The following LRRC37A2 variants were observed in gnomAD, a reference collection of about 807,000 sequenced individuals.
LRRC37A2 encodes leucine rich repeat containing 37 member A2, also known as leucine-rich repeat-containing protein 37A2.
Under a neutral mutation model 68.8 loss-of-function variants are expected in LRRC37A2, and 9 were observed. That is an observed-to-expected ratio of 0.13 (90% CI 0.08 to 0.23). The LOEUF (loss-of-function observed/expected upper bound fraction) is 0.23, where lower values mean the gene tolerates loss of function less well. Among genes scored for constraint, LRRC37A2 ranks in the 10% least tolerant of loss-of-function variants. The pLI is 1.00. For missense variants in LRRC37A2, 168 were observed against 950.4 expected, an observed-to-expected ratio of 0.18 and a Z score of 10.82; for synonymous variants, 63 against 367.6, an observed-to-expected ratio of 0.17 and a Z score of 9.48.
the LRRC37A2 span, among the ~76,000 whole-genome samples, chr17:46,943,268 T>C: frequency 2.1e-4 from 32 of 152,154 alleles, no homozygotes; most frequent in African/African-American, 7.5e-4. Context: ...CTTGTGGCCA[T>C]TGGGTGCCCC....
the LRRC37A2 span, among the ~76,000 whole-genome samples, chr17:46,788,193 T>C: frequency 6.6e-6 from 1 of 152,238 alleles, no homozygotes; most frequent in Non-Finnish European, 1.5e-5. Flanking sequence ...CTTGGCCATC[T>C]GTTTCTTTGC....
the LRRC37A2 span, among the ~76,000 whole-genome samples, chr17:47,003,433 C>G: frequency 6.6e-6 from 1 of 152,204 alleles, no homozygotes; most frequent in Non-Finnish European, 1.5e-5. Context: ...AACAGGGGGG[C>G]AGGGCTGGGC....
the LRRC37A2 span, among the ~76,000 whole-genome samples, chr17:46,960,310 T>C: frequency 3.3e-5 from 5 of 152,182 alleles, no homozygotes; most frequent in Non-Finnish European, 7.3e-5. Flanking sequence ...CACTACACAC[T>C]TGGCATACAT....
the LRRC37A2 span, among the ~76,000 whole-genome samples, chr17:47,002,776 T>C: frequency 6.6e-6 from 1 of 152,310 alleles, no homozygotes; most frequent in East Asian, 1.9e-4. Context: ...ATTCATTCTT[T>C]TTTTTTTGTA....
chr17:46,840,879 T>C, the LRRC37A2 span, among the ~76,000 whole-genome samples: 1 of 152,246 alleles, frequency 6.6e-6, no homozygotes, highest in Non-Finnish European at 1.5e-5. Flanking sequence ...TTAAGTTCTT[T>C]GTAGATTCTG....
At chr17:46,914,638 G>A in the LRRC37A2 span, among the ~76,000 whole-genome samples, 1 of 115,102 alleles carries the variant, frequency 8.7e-6, no homozygotes, top group Non-Finnish European at 1.7e-5. Flanking sequence ...GGGGCAGAGC[G>A]AGACTCCACC....
the LRRC37A2 span, among the ~76,000 whole-genome samples, chr17:46,864,974 A>T: frequency 6.6e-6 from 1 of 152,180 alleles, no homozygotes; most frequent in African/African-American, 2.4e-5. Context: ...AATGGTGTAC[A>T]TTTGGACTCA....
At chr17:46,926,446 A>G in the LRRC37A2 span, among the ~76,000 whole-genome samples, 1 of 152,184 alleles carries the variant, frequency 6.6e-6, no homozygotes, top group South Asian at 2.1e-4. Context: ...GATCTTCTGT[A>G]AACCTTTTTT....
At chr17:46,833,490 G>A in the LRRC37A2 span, 3 of 471,158 alleles carry the variant, frequency 6.4e-6, no homozygotes, top group Non-Finnish European at 1.3e-5. Flanking sequence ...CTCCCCATCT[G>A]GTCACCTCAC....
chr17:46,964,026 T>C, the LRRC37A2 span: 1 of 152,236 alleles, frequency 6.6e-6, no homozygotes, highest in African/African-American at 2.4e-5. Flanking sequence ...TTGCCCAGGC[T>C]GATCTCAAAC....
the LRRC37A2 span, chr17:46,939,289 G>A: frequency 6.5e-5 from 66 of 1,022,980 alleles, no homozygotes; most frequent in African/African-American, 1.1e-3. Flanking sequence ...ACATGTAGAT[G>A]ACTGACTGCC....
chr17:46,976,773 C>G, the LRRC37A2 span, among the ~76,000 whole-genome samples: 1 of 151,602 alleles, frequency 6.6e-6, no homozygotes, highest in East Asian at 1.9e-4. Flanking sequence ...CTGCATTCCC[C>G]AAACCACTGA....
At chr17:46,950,408 G>T in the LRRC37A2 span, among the ~76,000 whole-genome samples, 2 of 152,204 alleles carry the variant, frequency 1.3e-5, no homozygotes, top group African/African-American at 4.8e-5. Flanking sequence ...TGGAGGGGGA[G>T]AAGATGAAGT....
At chr17:46,836,522 T>C in the LRRC37A2 span, among the ~76,000 whole-genome samples, 13 of 152,324 alleles carry the variant, frequency 8.5e-5, no homozygotes, top group Non-Finnish European at 1.3e-4. Flanking sequence ...ACATTGTAAA[T>C]GTCGATGATT....
At chr17:47,035,537 T>C in the LRRC37A2 span, among the ~76,000 whole-genome samples, 1 of 152,248 alleles carries the variant, frequency 6.6e-6, no homozygotes, top group African/African-American at 2.4e-5. Flanking sequence ...TATGGAGCCA[T>C]CACTATATCC....
At chr17:46,977,762 C>T in the LRRC37A2 span, among the ~76,000 whole-genome samples, 1 of 152,250 alleles carries the variant, frequency 6.6e-6, no homozygotes. Flanking sequence ...TTAGAAGGGG[C>T]TTTGGCCTTA....
the LRRC37A2 span, among the ~76,000 whole-genome samples, chr17:46,960,942 A>G: frequency 1.3e-5 from 2 of 152,240 alleles, no homozygotes; most frequent in African/African-American, 4.8e-5. Flanking sequence ...TTGTCAAAAT[A>G]TATAGTGCTC....
the LRRC37A2 span, among the ~76,000 whole-genome samples, chr17:47,002,609 CA>C: frequency 6.6e-6 from 1 of 152,042 alleles, no homozygotes; most frequent in Non-Finnish European, 1.5e-5. Context: ...AGGCTGGTCT[CA>C]AACTCCTGAC....
At chr17:47,042,268 G>A in the LRRC37A2 span, among the ~76,000 whole-genome samples, 1 of 149,840 alleles carries the variant, frequency 6.7e-6, no homozygotes, top group African/African-American at 2.4e-5. Context: ...TTGGCTCACT[G>A]CAACCTCCAC....
Sources: allele counts gnomAD v4.1 joint callset (sites outside exome capture counted in the v4.1 genomes callset), GRCh38; gene constraint gnomAD v4.1.1; transcripts MANE v1.5; gene names NCBI Gene and HGNC (gene_info 2026-07-23, HGNC 2026-07-21).